Variants in MVK observed in about 807,000 individuals in gnomAD.
MVK encodes mevalonate kinase.
MVK carries 34 observed loss-of-function variants against 43.2 expected under a neutral mutation model. The observed-to-expected ratio is 0.79, with a 90% CI of 0.60 to 1.05. MVK has a LOEUF of 1.05. Among genes scored for constraint, MVK ranks in the 50% least tolerant of loss-of-function variants. The pLI is 0.00. For missense variants in MVK, 395 were observed against 504.0 expected (o/e 0.78, Z 2.07); for synonymous variants, 190 against 219.8 (o/e 0.86, Z 1.20).
intron 5 of MVK, among the ~76,000 whole-genome samples, chr12:109,584,046 G>C (rs1184182424): frequency 1.3e-5 from 2 of 152,212 alleles, no homozygotes; most frequent in Non-Finnish European, 2.9e-5. Context: ...GCAGTGAGTA[G>C]CACTGTGATC....
intron 2 of MVK, among the ~76,000 whole-genome samples, chr12:109,575,518 A>G (rs1884908077): frequency 6.6e-6 from 1 of 151,700 alleles, no homozygotes; most frequent in African/African-American, 2.4e-5. Flanking sequence ...CCTCCCAAGT[A>G]GCTGGGACCA....
upstream of MVK, chr12:109,573,312 A>G: frequency 6.2e-7 from 1 of 1,611,910 alleles, no homozygotes; most frequent in Non-Finnish European, 8.5e-7. Context: ...GATTCACGGC[A>G]GGTGTTCGAG....
chr12:109,573,791 G>C, upstream of MVK: 1 of 402,520 alleles, frequency 2.5e-6, no homozygotes, highest in Non-Finnish European at 4.7e-6. Flanking sequence ...TTGAGGCACG[G>C]GCGCTCTGGG....
Position 109,580,035 on chromosome 12 carries a change from A to G in MVK, c.371+89A>G, listed in dbSNP as rs1593015787. Reference sequence around the variant, plus strand: ...CTGTCATTGCTGCTGGAGAATGCACATGCTCTCTTCTAGAGCAGCAGCCAT... The same window carrying G: ...CTGTCATTGCTGCTGGAGAATGCACGTGCTCTCTTCTAGAGCAGCAGCCAT... On this transcript the variant is annotated intron_variant, in intron 4 of 10. Transcript: ENST00000228510. 3.2e-6 allele frequency: 5 copies of G among 1,574,654 alleles called. No individual in the cohort carries two copies. In the East Asian group the frequency reaches 1.1e-4, roughly 35 times the overall value.
chr12:109,573,460 C>A (rs1206361856), upstream of MVK: 3 of 1,606,274 alleles, frequency 1.9e-6, no homozygotes, highest in Non-Finnish European at 2.5e-6. Context: ...CAAGACGGCT[C>A]CCCAGGCCGC....
chr12:109,581,545 C>G lies in MVK; in HGVS notation c.522C>G (p.Val174=), dbSNP rs747292569. The change falls in exon 5 of 11, where the codon GTC becomes GTG. Residue 174 remains valine, a synonymous_variant. Coordinates refer to ENST00000228510, the MANE Select transcript of MVK (RefSeq NM_000431.4). The part of the protein sequence containing the change: ...IPNPLKDGDC[V]NRWTKEDLEL... ...ACCCGCTGAAGGACGGGGATTGCGT[C>G]AACAGGTAACCATGGTCCTTACCTG... The G allele has an allele frequency of 6.2e-7, 1 of 1,614,082 alleles. No homozygotes were observed. Among genetic ancestry groups the G allele is most frequent in the African/African-American group, 1.3e-5 (1 of 74,938 alleles).
chr12:109,591,604 G>A (rs558087403), intron 9 of MVK, among the ~76,000 whole-genome samples: 2 of 152,230 alleles, frequency 1.3e-5, no homozygotes, highest in Non-Finnish European at 1.5e-5. Flanking sequence ...GGCCTGGCTC[G>A]TGCTAAGTGC....
In MVK at chr12:109,579,797, A is replaced by G; in HGVS notation, c.227-5A>G. On this transcript the variant is annotated splice_region_variant and splice_polypyrimidine_tract_variant and intron_variant, in intron 3 of 10. Coordinates refer to ENST00000228510, the MANE Select transcript of MVK (RefSeq NM_000431.4). ...CTTGTGTTTGCTTGTTTGCCTGTGG[A>G]ACAGAGCAAGGTGATGTCACAACAC... is the stretch of plus-strand genomic sequence containing the variant. 2 of 1,614,218 alleles carry G rather than the reference A, an allele frequency of 1.2e-6. No individual in the cohort carries two copies. The highest frequency in any genetic ancestry group is 1.1e-5 in the South Asian group (1 of 91,082).
At position 109,596,628 on chromosome 12, in the gene MVK, T is replaced by A; in HGVS notation, c.*51T>A. ...ACCCAGATGCCCCTTTCTGGATTAT[T>A]CTGGGGGCTGCAGTTCGACTCTGTG... On this transcript the variant is annotated 3_prime_UTR_variant, in exon 11 of 11. Coordinates refer to ENST00000228510, the MANE Select transcript of MVK (RefSeq NM_000431.4). 1 of 1,585,412 alleles carries A rather than the reference T, an allele frequency of 6.3e-7. No individual in the cohort carries two copies. The highest frequency in any genetic ancestry group is 8.5e-7 in the Non-Finnish European group (1 of 1,169,900).
At chr12:109,576,332 G>A (rs1011187963) in intron 3 of MVK, among the ~76,000 whole-genome samples, 187 bp downstream of exon 3, 2 of 152,048 alleles carry the variant, frequency 1.3e-5, no homozygotes, top group Non-Finnish European at 2.9e-5. Flanking sequence ...ACAATGCATT[G>A]GATCTCTGTG....
chr12:109,584,337 A>G (rs11067341), intron 5 of MVK, among the ~76,000 whole-genome samples: 10,267 of 152,226 alleles, frequency 0.067, 374 homozygotes, highest in South Asian at 0.11. Flanking sequence ...AGAGCAGGTA[A>G]TTGACTTGCT....
At chr12:109,588,688 C>T (rs1885547686) in intron 7 of MVK, 1 of 152,280 alleles carries the variant, frequency 6.6e-6, no homozygotes. Flanking sequence ...AAGTGCTTAC[C>T]TGTTTGCTGG....
intron 5 of MVK, among the ~76,000 whole-genome samples, chr12:109,585,020 G>T (rs559315397): frequency 1.6e-3 from 242 of 152,350 alleles, no homozygotes; most frequent in African/African-American, 5.6e-3. Context: ...AACAAAAGCT[G>T]AGAGAAAAGA....
intron 9 of MVK, among the ~76,000 whole-genome samples, chr12:109,594,585 G>A (rs1457840789): frequency 1.3e-5 from 2 of 152,234 alleles, no homozygotes; most frequent in African/African-American, 4.8e-5. Context: ...CTGAAACAAT[G>A]TGTCGGGAAT....
chr12:109,582,919 A>C (rs1430408908), intron 5 of MVK, among the ~76,000 whole-genome samples: 3 of 151,550 alleles, frequency 2.0e-5, no homozygotes, highest in Non-Finnish European at 4.4e-5. Context: ...CCACACACAC[A>C]CCTTGCCCAG....
chr12:109,575,069 T>TGA, intron 2 of MVK, among the ~76,000 whole-genome samples, 169 bp downstream of exon 2: 1 of 152,272 alleles, frequency 6.6e-6, no homozygotes, highest in Non-Finnish European at 1.5e-5. Context: ...AAGGGATTCT[T>TGA]GGGCCTCGCT....
At chr12:109,576,218 G>A in intron 3 of MVK, 73 bp downstream of exon 3, 2 of 1,595,564 alleles carry the variant, frequency 1.3e-6, no homozygotes, top group Admixed American at 1.7e-5. Context: ...ATTCTGGGCT[G>A]TCCCCAAGGG....
At chr12:109,593,738 T>TTTTTTTTA (rs1885788896) in intron 9 of MVK, among the ~76,000 whole-genome samples, 1 of 148,124 alleles carries the variant, frequency 6.8e-6, no homozygotes, top group African/African-American at 2.5e-5. Flanking sequence ...TTTTTTTTTT[T>TTTTTTTTA]GAGACAGAGT....
chr12:109,587,779 C>T (rs1366831302), intron 7 of MVK: 1 of 152,368 alleles, frequency 6.6e-6, no homozygotes, highest in East Asian at 1.9e-4. Flanking sequence ...CTTTCTGTCC[C>T]AGCTCAGTCA....
Sources: gnomAD v4.1 joint callset for allele counts (sites outside exome capture counted in the v4.1 genomes callset) on GRCh38, gnomAD v4.1.1 for gene constraint, MANE v1.5 for transcripts, NCBI Gene and HGNC (gene_info 2026-07-23, HGNC 2026-07-21) for gene names.